The following APBB1 variants were observed in gnomAD, a reference collection of about 807,000 sequenced individuals.
APBB1 encodes the protein amyloid beta precursor protein binding family B member 1, also known as adaptor protein FE65a2.
APBB1 carries 22 observed loss-of-function variants against 78.4 expected under a neutral mutation model. The observed-to-expected ratio is 0.28, with a 90% CI of 0.20 to 0.40. APBB1 has a LOEUF of 0.40. Ranked by LOEUF, APBB1 falls within the 10% of genes least tolerant of loss-of-function variation. APBB1 has a pLI of 1.00. For synonymous variants in APBB1, 369 were observed against 372.7 expected, an observed-to-expected ratio of 0.99 and a Z score of 0.12; for missense variants, 749 against 932.4, an observed-to-expected ratio of 0.80 and a Z score of 2.56.
chr11:6,404,814 C>G (rs1346766229), intron 2 of APBB1: 2 of 1,535,716 alleles, frequency 1.3e-6, no homozygotes, highest in Non-Finnish European at 1.7e-6. Context: ...ATTCCCGGCC[C>G]CTCCTGCCTC....
intron 1 of APBB1, among the ~76,000 whole-genome samples, chr11:6,413,083 C>T (rs763174005): frequency 2.0e-5 from 3 of 152,056 alleles, no homozygotes; most frequent in African/African-American, 4.8e-5. Context: ...TTCCCGGACC[C>T]CCAAGAGAAA....
At chr11:6,405,466 C>T (rs770654802) in intron 2 of APBB1, 149 of 986,598 alleles carry the variant, frequency 1.5e-4, no homozygotes, top group Non-Finnish European at 1.7e-4. Flanking sequence ...AGACTGCTGA[C>T]GTGCTTCCCG....
chr11:6,402,719 C>A lies in APBB1; in HGVS notation c.1111G>T (p.Ala371Ser). The change falls in exon 7 of 15, where the codon GCC becomes TCC. Residue 371 changes from alanine to serine, a missense_variant. This residue lies in a region of APBB1 where 635 missense variants were observed against 765.0 expected (regional missense o/e 0.83). Coordinates refer to ENST00000609360, the MANE Select transcript of APBB1 (RefSeq NM_001164.5). ...RNTNPGIKCF[A>S]VRSLGWVEMT... ...TCTACCCAGCCTAGGGAGCGCACGG[C>A]GAAACACTGCCAGACACAGAAGAGG... 2.5e-6 allele frequency: 4 copies of A among 1,614,058 alleles called. No individual in the cohort carries two copies. The South Asian group carries it at 3.3e-5, about 13-fold the overall frequency.
In APBB1 at chr11:6,405,728, C is replaced by T. The variant is rs868755322; in HGVS notation, c.722-1906G>A. 1.2e-5 allele frequency: 12 copies of T among 968,672 alleles called. No homozygotes were observed. In the East Asian group the frequency reaches 3.4e-4, roughly 28 times the overall value. The allele number at this position is 968,672 out of a possible 1,614,324, so 60.0% of individuals were successfully genotyped here. On this transcript the variant is annotated intron_variant, in intron 2 of 14. Transcript: ENST00000609360. ...CATCCACCTTCTAGGCAGCCATCAC[C>T]GCCTCTCCTCACCCCCACTTCCCCC... is the stretch of plus-strand genomic sequence containing the variant.
rs752138567 is a variant in APBB1 at position 6,401,229 on chromosome 11, T to A, written c.1588+116A>T. ...GGAGTCCCTCCACGTATTGGAGTAT[T>A]CAGTCTTCATGTGTTCATTTTTCTA... On this transcript the variant is annotated intron_variant, in intron 11 of 14. Coordinates refer to ENST00000609360, the MANE Select transcript of APBB1 (RefSeq NM_001164.5). The surrounding 1 kb of genome is among the most constrained non-coding windows in gnomAD (Gnocchi z 4.5). 9.3e-6 allele frequency: 15 copies of A among 1,610,602 alleles called. No individual in the cohort carries two copies. The highest frequency in any genetic ancestry group is 1.3e-5 in the Non-Finnish European group (15 of 1,178,394).
chr11:6,413,763 G>A lies in APBB1; in HGVS notation c.-14-2402C>T, dbSNP rs374414771. Among the ~76,000 whole-genome samples the A allele has an allele frequency of 4.6e-5, 7 of 152,076 alleles. No individual in the cohort carries two copies. In the South Asian group the frequency reaches 6.2e-4, roughly 14 times the overall value. ...TGGGATTACAGGCGTGAGCCACCGCGCCCGGCCCCATAGCTCACCTTTCTA... is the reference window on the plus strand; with the variant it reads ...TGGGATTACAGGCGTGAGCCACCGCACCCGGCCCCATAGCTCACCTTTCTA... On this transcript the variant is annotated intron_variant, in intron 1 of 14. Coordinates refer to ENST00000609360, the MANE Select transcript of APBB1 (RefSeq NM_001164.5).
intron 1 of APBB1, among the ~76,000 whole-genome samples, chr11:6,416,178 C>T (rs917153193): frequency 1.3e-4 from 20 of 152,186 alleles, no homozygotes; most frequent in African/African-American, 4.8e-4. Context: ...CCGGGGCCTC[C>T]ACACTCTCAT....
intron 2 of APBB1, among the ~76,000 whole-genome samples, chr11:6,406,439 C>T (rs1218921655): frequency 1.3e-5 from 2 of 151,886 alleles, no homozygotes; most frequent in African/African-American, 4.8e-5. Context: ...CATAACTGGT[C>T]TTTCTCTTCC....
At chr11:6,412,629 G>A (rs1028937552) in intron 1 of APBB1, among the ~76,000 whole-genome samples, 14 of 152,140 alleles carry the variant, frequency 9.2e-5, no homozygotes, top group Non-Finnish European at 1.9e-4. Context: ...GTCTCCTCAT[G>A]ACTATAATTT....
chr11:6,404,108 G>T lies in APBB1; in HGVS notation c.722-286C>A, dbSNP rs1006762480. 9.9e-6 allele frequency: 4 copies of T among 405,210 alleles called. No homozygotes were observed. In the East Asian group the frequency reaches 1.5e-4, roughly 15 times the overall value. 25.1% of individuals were successfully genotyped at this position (405,210 alleles called of 1,614,324 possible). A position where few individuals can be genotyped will look rare whatever the true frequency, so the allele number is the denominator to read the frequency against. ...GGGAAGAAGGAAGGGAGCAATGAAT[G>T]TTGGGTGACCCCAATTAACCTCCTT... On this transcript the variant is annotated intron_variant, in intron 2 of 14. Transcript: ENST00000609360.
Position 6,403,539 on chromosome 11 carries a change from G to A in APBB1, c.903C>T (p.Thr301=). The change falls in exon 4 of 15, where the codon ACC becomes ACT. Residue 301 remains threonine, a synonymous_variant. Transcript: ENST00000609360. The surrounding 1 kb of genome is among the most constrained non-coding windows in gnomAD (Gnocchi z 5.3). ...GSSPQEESQL[T]WTGFAHGEGF... ...CTTCTCCATGAGCAAAACCTGTCCAGGTGAGCTAGGAGGAGGGATGGGAGT... is the reference window on the plus strand; with the variant it reads ...CTTCTCCATGAGCAAAACCTGTCCAAGTGAGCTAGGAGGAGGGATGGGAGT... 1.9e-6 allele frequency: 3 copies of A among 1,614,180 alleles called. No individual in the cohort carries two copies. Among genetic ancestry groups the A allele is most frequent in the Non-Finnish European group, 2.5e-6 (3 of 1,180,020 alleles).
chr11:6,411,448 C>T lies in APBB1; in HGVS notation c.-14-87G>A, dbSNP rs1848963478. 1.2e-5 allele frequency: 14 copies of T among 1,210,392 alleles called. No homozygotes were observed. The highest frequency in any genetic ancestry group is 1.5e-5 in the Non-Finnish European group (13 of 873,830). 75.0% of individuals were successfully genotyped at this position (1,210,392 alleles called of 1,614,324 possible). On this transcript the variant is annotated intron_variant, in intron 1 of 14. Coordinates refer to ENST00000609360, the MANE Select transcript of APBB1 (RefSeq NM_001164.5). The surrounding 1 kb of genome is among the most constrained non-coding windows in gnomAD (Gnocchi z 5.2). ...TCTGCCCCAGGGCTATGCCCTGTGC[C>T]TCCTCATCTCCCTGCACTAAGCAGG...
chr11:6,411,440 C>A lies in APBB1; in HGVS notation c.-14-79G>T. On this transcript the variant is annotated intron_variant, in intron 1 of 14. Coordinates refer to ENST00000609360, the MANE Select transcript of APBB1 (RefSeq NM_001164.5). The surrounding 1 kb of genome is among the most constrained non-coding windows in gnomAD (Gnocchi z 5.2). ...TCACTGCTTCTGCCCCAGGGCTATGCCCTGTGCCTCCTCATCTCCCTGCAC... is the reference window on the plus strand; with the variant it reads ...TCACTGCTTCTGCCCCAGGGCTATGACCTGTGCCTCCTCATCTCCCTGCAC... 7.8e-7 allele frequency: 1 copy of A among 1,283,878 alleles called. No individual in the cohort carries two copies. Among genetic ancestry groups the A allele is most frequent in the East Asian group, 2.4e-5 (1 of 42,476 alleles). 79.5% of individuals were successfully genotyped at this position (1,283,878 alleles called of 1,614,324 possible). A position where few individuals can be genotyped will look rare whatever the true frequency, so the allele number is the denominator to read the frequency against.
rs1026550023 is a variant in APBB1 at position 6,403,522 on chromosome 11, T to C, written c.920A>G (p.His307Arg). The C allele has an allele frequency of 1.9e-6, 3 of 1,614,110 alleles. No homozygotes were observed. Among genetic ancestry groups the C allele is most frequent in the Non-Finnish European group, 2.5e-6 (3 of 1,180,038 alleles). Residue 307 changes from histidine (H) to arginine (R), a missense_variant, in exon 4 of 15, where the codon CAT becomes CGT. His to Arg is a conservative substitution (Grantham distance 29). Around this residue, in one of 3 missense-constraint regions of APBB1, gnomAD observed 635 missense variants for 765.0 expected, o/e 0.83. Coordinates refer to ENST00000609360, the MANE Select transcript of APBB1 (RefSeq NM_001164.5). This position sits in a 1 kb window ranked among gnomAD's most constrained non-coding sequence, Gnocchi z 5.3. ...TTCTCCATCCTCAAAGCCTTCTCCA[T>C]GAGCAAAACCTGTCCAGGTGAGCTA... ...ESQLTWTGFAHGEGFEDGEFW... is the reference protein window; with the variant it reads ...ESQLTWTGFARGEGFEDGEFW...
At chr11:6,399,873 G>A (rs987456029) in intron 12 of APBB1, among the ~76,000 whole-genome samples, 3 of 152,016 alleles carry the variant, frequency 2.0e-5, no homozygotes, top group African/African-American at 4.8e-5. Context: ...TCCCACTGTA[G>A]ACCCTGATCT....
In APBB1 at chr11:6,410,811, C is replaced by T. The variant is rs963546847; in HGVS notation, c.537G>A (p.Leu179=). 4 of 1,613,320 alleles carry T rather than the reference C, an allele frequency of 2.5e-6. No individual in the cohort carries two copies. In the African/African-American group the frequency reaches 5.3e-5, roughly 22 times the overall value. The change falls in exon 2 of 15, where the codon CTG becomes CTA. Residue 179 remains leucine (L), a synonymous_variant. Coordinates refer to ENST00000609360, the MANE Select transcript of APBB1 (RefSeq NM_001164.5). Reference sequence around the variant, plus strand: ...CCTCCACACTCTCCAGGGGCTCAGGCAGCCCTGGGGGAGAAGATAAGTCCT... The same window carrying T: ...CCTCCACACTCTCCAGGGGCTCAGGTAGCCCTGGGGGAGAAGATAAGTCCT... ...EEEDLSSPPG[L]PEPLESVEAP... is the part of the protein sequence containing the mutation.
rs761761057 is a variant in APBB1 at position 6,401,806 on chromosome 11, G to T, written c.1389-118C>A. 6.9e-7 allele frequency: 1 copy of T among 1,439,472 alleles called. No individual in the cohort carries two copies. The highest frequency in any genetic ancestry group is 9.7e-7 in the Non-Finnish European group (1 of 1,034,406). 89.2% of individuals were successfully genotyped at this position (1,439,472 alleles called of 1,614,324 possible). A position where few individuals can be genotyped will look rare whatever the true frequency, so the allele number is the denominator to read the frequency against. On this transcript the variant is annotated intron_variant, in intron 9 of 14. Transcript: ENST00000609360. The surrounding 1 kb of genome is among the most constrained non-coding windows in gnomAD (Gnocchi z 4.5). ...TCCTCCAGGGCTTCTGCCCACAGCT[G>T]GTCCCCCATAGGTGCTGCCTTCTTG...
chr11:6,415,178 A>G (rs987593127), intron 1 of APBB1, among the ~76,000 whole-genome samples: 6 of 152,350 alleles, frequency 3.9e-5, no homozygotes, highest in Non-Finnish European at 5.9e-5. Context: ...GAGTTACCAA[A>G]GGATGCAAAG....
Position 6,411,186 on chromosome 11 carries a change from C to A in APBB1, c.162G>T (p.Met54Ile). The A allele has an allele frequency of 6.2e-7, 1 of 1,608,058 alleles. No homozygotes were observed. The highest frequency in any genetic ancestry group is 1.1e-5 in the South Asian group (1 of 90,986). ...CTGGCTCAGGCCCACCACCCTCCCC[C>A]ATGGCGCTGCGCAGGTCCTTGGGTC... The part of the protein sequence containing the change: ...AVGPKDLRSA[M>I]GEGGGPEPGP... Residue 54 changes from methionine (M) to isoleucine (I), a missense_variant, in exon 2 of 15, where the codon ATG becomes ATT. Met to Ile is a conservative substitution (Grantham distance 10, BLOSUM62 1). Transcript: ENST00000609360. This position sits in a 1 kb window ranked among gnomAD's most constrained non-coding sequence, Gnocchi z 5.2.
Sources: gnomAD v4.1 joint callset for allele counts (sites outside exome capture counted in the v4.1 genomes callset) on GRCh38, gnomAD v4.1.1 for gene constraint, gnomAD v4.1.1 regional missense constraint, Gnocchi (gnomAD v3.1) non-coding constraint, MANE v1.5 for transcripts, NCBI Gene and HGNC (gene_info 2026-07-23, HGNC 2026-07-21) for gene names.